The following PPM1L variants were observed in gnomAD, a reference collection of about 807,000 sequenced individuals.
The protein encoded by PPM1L is protein phosphatase, Mg2+/Mn2+ dependent 1L, also known as protein phosphatase 1L.
PPM1L carries 13 observed loss-of-function variants against 31.4 expected under a neutral mutation model. That is an observed-to-expected ratio of 0.41 (90% CI 0.27 to 0.66). PPM1L has a LOEUF of 0.66. Among genes scored for constraint, PPM1L ranks in the 30% least tolerant of loss-of-function variants. PPM1L has a pLI of 0.29. For missense variants in PPM1L, 326 were observed against 453.7 expected (o/e 0.72, Z 2.56); for synonymous variants, 184 against 175.4 (o/e 1.05, Z -0.39).
At chr3:160,963,066 C>G (rs900552023) in intron 2 of PPM1L, among the ~76,000 whole-genome samples, 1 of 151,656 alleles carries the variant, frequency 6.6e-6, no homozygotes, top group Non-Finnish European at 1.5e-5. Context: ...TTATTCATCT[C>G]TTCTCTCATC....
intron 1 of PPM1L, among the ~76,000 whole-genome samples, chr3:160,821,811 G>C (rs1576654524): frequency 6.6e-6 from 1 of 151,810 alleles, no homozygotes; most frequent in Non-Finnish European, 1.5e-5. Context: ...GAGGGAGCAA[G>C]ACTAAATAGA....
At chr3:160,765,248 C>T (rs1715075932) in intron 1 of PPM1L, among the ~76,000 whole-genome samples, 1 of 152,176 alleles carries the variant, frequency 6.6e-6, no homozygotes, top group African/African-American at 2.4e-5. Context: ...GGGTATGAAA[C>T]TGCCATTCAG....
intron 1 of PPM1L, among the ~76,000 whole-genome samples, chr3:160,936,197 C>G (rs1206654531): frequency 6.6e-6 from 1 of 152,168 alleles, no homozygotes; most frequent in African/African-American, 2.4e-5. Context: ...TCAAGCGATT[C>G]TCCTGCCTCA....
At chr3:160,851,674 G>A (rs911778172) in intron 1 of PPM1L, among the ~76,000 whole-genome samples, 8 of 152,258 alleles carry the variant, frequency 5.3e-5, no homozygotes, top group East Asian at 1.9e-4. Flanking sequence ...ACTTTTTACC[G>A]AGAGTATGCC....
At chr3:161,041,821 A>G (rs1176820257) in intron 2 of PPM1L, among the ~76,000 whole-genome samples, 1 of 152,176 alleles carries the variant, frequency 6.6e-6, no homozygotes, top group Non-Finnish European at 1.5e-5. Flanking sequence ...ATTAATACTT[A>G]GAATTTGGTA....
chr3:160,762,614 T>A (rs929468971), intron 1 of PPM1L, among the ~76,000 whole-genome samples: 2 of 152,220 alleles, frequency 1.3e-5, no homozygotes, highest in Non-Finnish European at 2.9e-5. Flanking sequence ...AAGTGTGTGA[T>A]GGCTTGACTG....
chr3:161,030,857 G>A (rs1173166618), intron 2 of PPM1L, among the ~76,000 whole-genome samples: 7 of 152,032 alleles, frequency 4.6e-5, no homozygotes, highest in African/African-American at 1.7e-4. Context: ...GAAAAAAAAA[G>A]GAAAGCTTCC....
intron 1 of PPM1L, among the ~76,000 whole-genome samples, chr3:160,911,263 A>G (rs1248661691): frequency 6.6e-6 from 1 of 152,228 alleles, no homozygotes; most frequent in Non-Finnish European, 1.5e-5. Context: ...GTAGAAGTAT[A>G]TGTCACTGTC....
intron 1 of PPM1L, among the ~76,000 whole-genome samples, chr3:160,826,280 G>T (rs1220241051): frequency 6.6e-6 from 1 of 152,190 alleles, no homozygotes; most frequent in Admixed American, 6.5e-5. Flanking sequence ...CAAAGAACAT[G>T]ATGAGTTGTA....
intron 2 of PPM1L, among the ~76,000 whole-genome samples, chr3:160,981,732 TTTTATTTATTTATTTATTTA>T (rs571936460): frequency 7.2e-6 from 1 of 139,854 alleles, no homozygotes; most frequent in Non-Finnish European, 1.5e-5. Flanking sequence ...TTCCTTCTCA[TTTTATTTATTTATTTATTTA>T]TTTATTTATT....
At chr3:160,843,426 T>TTTTATATATATA (rs1169156583) in intron 1 of PPM1L, among the ~76,000 whole-genome samples, 3 of 47,538 alleles carry the variant, frequency 6.3e-5, no homozygotes, top group Non-Finnish European at 1.2e-4. Context: ...GGCAATTCTT[T>TTTTATATATATA]TATATATATA....
chr3:160,815,944 C>A (rs1461309502), intron 1 of PPM1L, among the ~76,000 whole-genome samples: 1 of 151,978 alleles, frequency 6.6e-6, no homozygotes, highest in Non-Finnish European at 1.5e-5. Flanking sequence ...AAGTTAGATG[C>A]CAGAAACTGA....
chr3:161,026,178 C>G (rs1718382940), intron 2 of PPM1L, among the ~76,000 whole-genome samples: 1 of 152,104 alleles, frequency 6.6e-6, no homozygotes, highest in Admixed American at 6.5e-5. Flanking sequence ...TTAACTGCTT[C>G]CCAGATGCAA....
intron 2 of PPM1L, among the ~76,000 whole-genome samples, chr3:161,063,983 C>G (rs1719650957): frequency 6.6e-6 from 1 of 151,900 alleles, no homozygotes; most frequent in Non-Finnish European, 1.5e-5. Flanking sequence ...AACATATGGG[C>G]ACAGGGAGGG....
intron 2 of PPM1L, among the ~76,000 whole-genome samples, chr3:161,006,500 A>AT (rs1263122299): frequency 2.6e-5 from 4 of 152,116 alleles, no homozygotes; most frequent in African/African-American, 7.2e-5. Flanking sequence ...TGAACTATAT[A>AT]TTTTTTTACC....
intron 2 of PPM1L, among the ~76,000 whole-genome samples, chr3:160,998,290 G>A (rs778654): frequency 0.64 from 96,915 of 152,006 alleles, 33,643 homozygotes; most frequent in East Asian, 0.98. Flanking sequence ...GTTTACAGCC[G>A]GACTCTGTTC....
rs977799633 is a variant in PPM1L, at chr3:161,077,918, ATC to A, written c.*8765_*8766del. The A allele has an allele frequency of 6.6e-5, 10 of 152,182 alleles. No homozygotes were observed. The highest frequency in any genetic ancestry group is 2.1e-4 in the South Asian group (1 of 4,830). 9.4% of individuals were successfully genotyped at this position (152,182 alleles called of 1,614,324 possible). A position where few individuals can be genotyped will look rare whatever the true frequency, so the allele number is the denominator to read the frequency against. On this transcript the variant is annotated 3_prime_UTR_variant, in exon 4 of 4. Coordinates refer to ENST00000498165, the MANE Select transcript of PPM1L (RefSeq NM_139245.4). ...GCTTGCCTGCTCATTTCCCCTAAAC[ATC>A]TCTGTTTATGCCAATGGCTTTTTAA...
At chr3:160,906,055 C>T (rs1713743772) in intron 1 of PPM1L, among the ~76,000 whole-genome samples, 5 of 151,746 alleles carry the variant, frequency 3.3e-5, no homozygotes, top group Admixed American at 3.3e-4. Context: ...TATTTCCTGC[C>T]CTTTCTTAAC....
At chr3:161,059,694 T>C (rs891997179) in intron 2 of PPM1L, among the ~76,000 whole-genome samples, 27 of 152,176 alleles carry the variant, frequency 1.8e-4, no homozygotes, top group Non-Finnish European at 3.1e-4. Flanking sequence ...GTAATCCCCA[T>C]TGTTGGAGGT....
Sources: allele counts gnomAD v4.1 joint callset (sites outside exome capture counted in the v4.1 genomes callset), GRCh38; gene constraint gnomAD v4.1.1; transcripts MANE v1.5; gene names NCBI Gene and HGNC (gene_info 2026-07-23, HGNC 2026-07-21).